The following FBXW11 variants were observed in gnomAD, a reference collection of about 807,000 sequenced individuals.
FBXW11 encodes the protein F-box/WD repeat-containing protein 11.
A neutral mutation model predicts 77.6 loss-of-function variants in FBXW11; 19 were observed. The ratio of observed to expected loss-of-function variants is 0.24; its 90% confidence interval spans 0.17 to 0.36. The LOEUF (loss-of-function observed/expected upper bound fraction) is 0.36. FBXW11 is among the 10% of genes least tolerant of loss of function. FBXW11 has a pLI of 1.00. For missense variants in FBXW11, 334 were observed against 704.2 expected, an observed-to-expected ratio of 0.47 and a Z score of 5.95; for synonymous variants, 235 against 249.4, an observed-to-expected ratio of 0.94 and a Z score of 0.54.
At position 171,869,211 on chromosome 5, in the gene FBXW11, A is replaced by C. The variant is rs1417428143; in HGVS notation, c.1531-415T>G. 6.6e-6 allele frequency among the ~76,000 whole-genome samples: 1 copy of C among 152,208 alleles called. No individual in the cohort carries two copies. Among genetic ancestry groups the C allele is most frequent in the Non-Finnish European group, 1.5e-5 (1 of 68,044 alleles). On this transcript the variant is annotated intron_variant, in intron 12 of 13. Coordinates refer to ENST00000517395, the MANE Select transcript of FBXW11 (RefSeq NM_001378974.1). This position sits in a 1 kb window ranked among gnomAD's most constrained non-coding sequence, Gnocchi z 4.1. ...ATTCATGGTGAAATAATAATATAAG[A>C]GTTCCCATTAAAATCAAGAAGACAG...
rs1359842251 is a variant in FBXW11, at chr5:171,957,587, A to G, written c.147+10T>C. Reference sequence around the variant, plus strand: ...AAAAACACATTTACAACAAGAAAGAAGAGAGGCACCTGGAGACATCTGACA... The same window carrying G: ...AAAAACACATTTACAACAAGAAAGAGGAGAGGCACCTGGAGACATCTGACA... On this transcript the variant is annotated intron_variant, in intron 2 of 13. Transcript: ENST00000517395. The G allele has an allele frequency of 1.2e-6, 2 of 1,610,206 alleles. No homozygotes were observed. Among genetic ancestry groups the G allele is most frequent in the South Asian group, 1.1e-5 (1 of 90,986 alleles).
At chr5:171,884,940 T>C (rs1027255066) in intron 7 of FBXW11, among the ~76,000 whole-genome samples, 7 of 152,216 alleles carry the variant, frequency 4.6e-5, no homozygotes, top group African/African-American at 1.4e-4. Flanking sequence ...GGAAATGCTA[T>C]AAACAGGCCT....
chr5:171,919,327 G>A (rs1761439975), intron 2 of FBXW11, among the ~76,000 whole-genome samples: 1 of 152,110 alleles, frequency 6.6e-6, no homozygotes, highest in Admixed American at 6.5e-5. Context: ...TCATTGCTAT[G>A]GCAAAATGAT....
intron 7 of FBXW11, among the ~76,000 whole-genome samples, chr5:171,891,154 T>G (rs1441960549): frequency 2.0e-5 from 3 of 152,156 alleles, no homozygotes; most frequent in Non-Finnish European, 4.4e-5. Flanking sequence ...ACACCTTTGG[T>G]TTATAAACTA....
At chr5:171,978,282 T>A (rs369113668) in intron 1 of FBXW11, among the ~76,000 whole-genome samples, 1 of 152,174 alleles carries the variant, frequency 6.6e-6, no homozygotes, top group African/African-American at 2.4e-5. Context: ...TACTGACTGA[T>A]GCAACCAAAA....
Position 171,946,332 on chromosome 5 carries a change from C to T in FBXW11, c.147+11265G>A, listed in dbSNP as rs192485576. 5.3e-4 allele frequency among the ~76,000 whole-genome samples: 81 copies of T among 152,296 alleles called. 1 individual carries two copies. The highest frequency in any genetic ancestry group is 6.5e-5 in the Admixed American group (1 of 15,304). The stretch of plus-strand genomic sequence containing the variant: ...AGAGTTGGTCTCCCTGCTTCCGCCT[C>T]TTCTTTCTATGTCTACACAGCAGGT... On this transcript the variant is annotated intron_variant, in intron 2 of 13. Transcript: ENST00000517395.
chr5:171,938,343 G>A (rs140376891), intron 2 of FBXW11, among the ~76,000 whole-genome samples: 1 of 152,306 alleles, frequency 6.6e-6, no homozygotes, highest in Non-Finnish European at 1.5e-5. Context: ...GGTTACAGGC[G>A]TGAGCCACTG....
chr5:171,955,360 C>T (rs1481905326), intron 2 of FBXW11, among the ~76,000 whole-genome samples: 1 of 152,152 alleles, frequency 6.6e-6, no homozygotes, highest in Non-Finnish European at 1.5e-5. Flanking sequence ...CTCCAGGTAG[C>T]CTAACTATTC....
intron 1 of FBXW11, among the ~76,000 whole-genome samples, chr5:171,992,087 C>T (rs1765768717): frequency 1.3e-5 from 2 of 149,632 alleles, no homozygotes; most frequent in South Asian, 4.3e-4. Flanking sequence ...TGCCTTCCAG[C>T]CTGGGCAACA....
At chr5:171,919,882 G>A (rs554619332) in intron 2 of FBXW11, among the ~76,000 whole-genome samples, 33 of 152,190 alleles carry the variant, frequency 2.2e-4, no homozygotes, top group Admixed American at 4.6e-4. Flanking sequence ...CAGGCTGGGC[G>A]CAGTGGCTCA....
intron 13 of FBXW11, chr5:171,867,877 G>A (rs191906165): frequency 7.2e-5 from 11 of 152,238 alleles, no homozygotes. Context: ...AAAGTTTAAT[G>A]TGTATAGAAT....
At chr5:171,929,282 A>G (rs1165392410) in intron 2 of FBXW11, among the ~76,000 whole-genome samples, 1 of 151,974 alleles carries the variant, frequency 6.6e-6, no homozygotes, top group Non-Finnish European at 1.5e-5. Context: ...AGGCACAAGA[A>G]TCACTTGAAC....
chr5:171,916,096 G>C (rs367881176), intron 2 of FBXW11, among the ~76,000 whole-genome samples: 4 of 151,762 alleles, frequency 2.6e-5, no homozygotes, highest in Middle Eastern at 3.4e-3. Flanking sequence ...GTCGTGGGGT[G>C]GGGGGAGGTG....
At position 171,865,384 on chromosome 5, in the gene FBXW11, A is replaced by T. The variant is rs1164275991; in HGVS notation, c.*26-1283T>A. 2.0e-5 allele frequency among the ~76,000 whole-genome samples: 3 copies of T among 152,242 alleles called. No individual in the cohort carries two copies. In the East Asian group the frequency reaches 5.8e-4, roughly 29 times the overall value. ...GATGATAAAGGGTTGGACAAATATT[A>T]GGTTAAAAGAATGATCATAGCATTG... On this transcript the variant is annotated intron_variant, in intron 13 of 13. Transcript: ENST00000517395.
chr5:171,968,928 T>A (rs1382711307), intron 1 of FBXW11, among the ~76,000 whole-genome samples: 2 of 152,148 alleles, frequency 1.3e-5, no homozygotes, highest in Non-Finnish European at 2.9e-5. Context: ...TACCCTACTT[T>A]CATTTAACAG....
chr5:171,891,644 C>A, intron 6 of FBXW11, 40 bp from the exon 7 acceptor site: 1 of 1,594,958 alleles, frequency 6.3e-7, no homozygotes, highest in Non-Finnish European at 8.5e-7. Context: ...TTTTATGAAT[C>A]AACTTACTCT....
chr5:171,919,434 T>C (rs1460664988), intron 2 of FBXW11, among the ~76,000 whole-genome samples: 1 of 152,216 alleles, frequency 6.6e-6, no homozygotes, highest in Non-Finnish European at 1.5e-5. Context: ...AACTACCAAA[T>C]ACCACAATAC....
At chr5:171,909,280 T>G (rs984079540) in intron 4 of FBXW11, among the ~76,000 whole-genome samples, 1 of 152,122 alleles carries the variant, frequency 6.6e-6, no homozygotes, top group Non-Finnish European at 1.5e-5. Flanking sequence ...AGATGCCACC[T>G]CGTTGAGAAA....
intron 13 of FBXW11, among the ~76,000 whole-genome samples, chr5:171,864,483 G>A (rs112540170): frequency 2.3e-4 from 35 of 152,252 alleles, no homozygotes; most frequent in Middle Eastern, 3.4e-3. Flanking sequence ...CTTCACATTC[G>A]ATTTTATATT....
Sources: gnomAD v4.1 joint callset for allele counts (sites outside exome capture counted in the v4.1 genomes callset) on GRCh38, gnomAD v4.1.1 for gene constraint, Gnocchi (gnomAD v3.1) non-coding constraint, MANE v1.5 for transcripts, NCBI Gene and HGNC (gene_info 2026-07-23, HGNC 2026-07-21) for gene names.